Variants in CLCN7 observed in about 807,000 individuals in gnomAD.
CLCN7 encodes Cl-/H+ antiporter 7, also known as H(+)/Cl(-) exchange transporter 7.
CLCN7 carries 60 observed loss-of-function variants against 102.1 expected under a neutral mutation model. That is an observed-to-expected ratio of 0.59 (90% CI 0.48 to 0.73). The LOEUF (loss-of-function observed/expected upper bound fraction) is 0.73. CLCN7 is among the 30% of genes least tolerant of loss of function. The pLI, the probability that CLCN7 is intolerant of heterozygous loss-of-function variation, is 0.00. For synonymous variants in CLCN7, 560 were observed against 490.5 expected (o/e 1.14, Z -1.87); for missense variants, 962 against 1,125.7 (o/e 0.85, Z 2.08).
intron 2 of CLCN7, among the ~76,000 whole-genome samples, chr16:1,464,296 A>G (rs1012530689): frequency 1.3e-5 from 2 of 152,232 alleles, no homozygotes; most frequent in Admixed American, 6.5e-5. Context: ...CAGGGTTGAG[A>G]CAGGAGAGGA....
intron 2 of CLCN7, among the ~76,000 whole-genome samples, chr16:1,461,972 C>G (rs2038944609): frequency 6.6e-6 from 1 of 151,862 alleles, no homozygotes; most frequent in African/African-American, 2.4e-5. Flanking sequence ...GTAATCCCAG[C>G]TACTCAGGAG....
chr16:1,447,629 C>A, intron 22 of CLCN7, 26 bp downstream of exon 22: 1 of 1,552,468 alleles, frequency 6.4e-7, no homozygotes, highest in Non-Finnish European at 8.7e-7. Flanking sequence ...CCCCACCCGC[C>A]CAATGGCCCG....
At chr16:1,461,569 G>C in intron 3 of CLCN7, 34 bp downstream of exon 3, 1 of 1,612,014 alleles carries the variant, frequency 6.2e-7, no homozygotes, top group Non-Finnish European at 8.5e-7. Context: ...GCAGAGGCCG[G>C]GTCTCAGGGT....
intron 6 of CLCN7, among the ~76,000 whole-genome samples, chr16:1,460,077 T>C (rs976850682): frequency 1.3e-5 from 2 of 152,036 alleles, no homozygotes; most frequent in African/African-American, 4.8e-5. Flanking sequence ...GCTCTCACTC[T>C]TCCCAGCCCA....
At position 1,446,145 on chromosome 16, in the gene CLCN7, G is replaced by A. The variant is rs897955164; in HGVS notation, c.*486C>T. 5.7e-5 allele frequency: 34 copies of A among 599,278 alleles called. No homozygotes were observed. Among genetic ancestry groups the A allele is most frequent in the East Asian group, 2.2e-4 (8 of 36,120 alleles). The allele number at this position is 599,278 out of a possible 1,614,324, so 37.1% of individuals were successfully genotyped here. On this transcript the variant is annotated 3_prime_UTR_variant, in exon 25 of 25. Coordinates refer to ENST00000382745, the MANE Select transcript of CLCN7 (RefSeq NM_001287.6). Reference sequence around the variant, plus strand: ...GCCTCAGGCCCAGGGACCACAGGCCGTCTGCTCATGGCTGAAAATGAGGCC... The same window carrying A: ...GCCTCAGGCCCAGGGACCACAGGCCATCTGCTCATGGCTGAAAATGAGGCC...
chr16:1,446,530 G>A lies in CLCN7; in HGVS notation c.*101C>T, dbSNP rs1284343639. ...CTGCAGGGTGCTCGCCATTGCCACT[G>A]CTGGGGAGCATGGTTTGGGCCGAGA... is the stretch of plus-strand genomic sequence containing the variant. On this transcript the variant is annotated 3_prime_UTR_variant, in exon 25 of 25. Transcript: ENST00000382745. 6 of 1,124,348 alleles carry A rather than the reference G, an allele frequency of 5.3e-6. No individual in the cohort carries two copies. The highest frequency in any genetic ancestry group is 3.1e-5 in the African/African-American group (2 of 65,024). 69.6% of individuals were successfully genotyped at this position (1,124,348 alleles called of 1,614,324 possible). A position where few individuals can be genotyped will look rare whatever the true frequency, so the allele number is the denominator to read the frequency against.
chr16:1,474,544 G>C (rs1294249541), intron 1 of CLCN7, among the ~76,000 whole-genome samples: 1 of 152,252 alleles, frequency 6.6e-6, no homozygotes, highest in African/African-American at 2.4e-5. Context: ...GTGCGCCACG[G>C]CTGCCCCGGC....
At position 1,465,251 on chromosome 16, in the gene CLCN7, A is replaced by G. The variant is rs1490785780; in HGVS notation, c.213+16T>C. 6.2e-7 allele frequency: 1 copy of G among 1,610,882 alleles called. No homozygotes were observed. Among genetic ancestry groups the G allele is most frequent in the Non-Finnish European group, 8.5e-7 (1 of 1,177,842 alleles). ...CAGCTAGCTCTGCGGGAGGACGGGGAACACCCCCAACTCACCGGGTCCAAA... is the reference window on the plus strand; with the variant it reads ...CAGCTAGCTCTGCGGGAGGACGGGGGACACCCCCAACTCACCGGGTCCAAA... On this transcript the variant is annotated intron_variant, in intron 2 of 24. Transcript: ENST00000382745.
Position 1,446,690 on chromosome 16 carries a change from G to T in CLCN7, c.2359C>A (p.Leu787Ile). The T allele has an allele frequency of 6.3e-7, 1 of 1,590,150 alleles. No individual in the cohort carries two copies. The highest frequency in any genetic ancestry group is 2.3e-5 in the East Asian group (1 of 43,452). ...CTCTTTCCCAGGCGGTACCTGGCGAGGTCCTTCCTGGTCACCAACCCGACA... is the reference window on the plus strand; with the variant it reads ...CTCTTTCCCAGGCGGTACCTGGCGATGTCCTTCCTGGTCACCAACCCGACA... The part of the protein sequence containing the change: ...QVVGLVTRKD[L>I]ARYRLGKRGL... The change falls in exon 25 of 25, where the codon CTC becomes ATC. Residue 787 changes from leucine (L) to isoleucine (I), a missense_variant. Physicochemically the swap from Leu to Ile is conservative, Grantham distance 5. Transcript: ENST00000382745.
rs992765173 is a variant in CLCN7 at position 1,446,635 on chromosome 16, G to A, written c.2414C>T (p.Thr805Met). The A allele has an allele frequency of 8.6e-5, 134 of 1,564,422 alleles. No homozygotes were observed. Among genetic ancestry groups the A allele is most frequent in the Non-Finnish European group, 1.1e-4 (128 of 1,154,538 alleles). Residue 805 changes from threonine (T) to methionine (M), a missense_variant, in exon 25 of 25, where the codon ACG becomes ATG. By Grantham distance (81) the Thr-to-Met change is moderately conservative. Coordinates refer to ENST00000382745, the MANE Select transcript of CLCN7 (RefSeq NM_001287.6). ...RGLEELSLAQ[T>M] ...CATTATGGGCAGGGCTGGGCCTCAC[G>A]TCTGGGCCAGCGAGAGCTCCTCCAA...
At chr16:1,449,366 C>T (rs1008300310) in intron 17 of CLCN7, 39 bp from the exon 18 acceptor site, 2 of 1,561,206 alleles carry the variant, frequency 1.3e-6, no homozygotes, top group Non-Finnish European at 1.7e-6. Context: ...AGTGTGGTGG[C>T]AGGCCCAAAC....
At chr16:1,474,040 C>T (rs770934188) in intron 1 of CLCN7, 7 of 425,688 alleles carry the variant, frequency 1.6e-5, no homozygotes, top group Middle Eastern at 3.6e-4. Context: ...GCCGAGATCG[C>T]GCCATTGCAC....
intron 1 of CLCN7, among the ~76,000 whole-genome samples, chr16:1,469,887 G>A (rs1321597132): frequency 2.6e-5 from 4 of 152,160 alleles, no homozygotes; most frequent in Non-Finnish European, 5.9e-5. Flanking sequence ...CCATAAAGAG[G>A]AATGACCACC....
At position 1,446,108 on chromosome 16, in the gene CLCN7, C is replaced by T; in HGVS notation, c.*523G>A. On this transcript the variant is annotated 3_prime_UTR_variant, in exon 25 of 25. Transcript: ENST00000382745. ...CGGTCGCAGCCTCCAAACCCTGGTG[C>T]TACGAGTCCGTGCCTCAGGCCCAGG... 1.7e-6 allele frequency: 1 copy of T among 597,142 alleles called. No individual in the cohort carries two copies. Among genetic ancestry groups the T allele is most frequent in the Non-Finnish European group, 3.0e-6 (1 of 336,078 alleles). 37.0% of individuals were successfully genotyped at this position (597,142 alleles called of 1,614,324 possible).
chr16:1,464,560 C>T (rs1010054411), intron 2 of CLCN7, among the ~76,000 whole-genome samples: 1 of 152,248 alleles, frequency 6.6e-6, no homozygotes, highest in Non-Finnish European at 1.5e-5. Flanking sequence ...GGAGCGACTG[C>T]GGCAGAGCTC....
Position 1,447,518 on chromosome 16 carries a change from C to T in CLCN7, c.2124G>A (p.Leu708=), listed in dbSNP as rs2038669299. ...NLGLVQRRLR[L]KDFRDAYPRF... Reference sequence around the variant, plus strand: ...GCGGGTAGGCGTCTCGGAAGTCCTTCAGCCTCAGGCGCCGCTGTACCAGGC... The same window carrying T: ...GCGGGTAGGCGTCTCGGAAGTCCTTTAGCCTCAGGCGCCGCTGTACCAGGC... The change falls in exon 23 of 25, where the codon CTG becomes CTA. Residue 708 remains leucine (L), a synonymous_variant. Coordinates refer to ENST00000382745, the MANE Select transcript of CLCN7 (RefSeq NM_001287.6). The T allele has an allele frequency of 6.4e-7, 1 of 1,555,554 alleles. No individual in the cohort carries two copies.
At chr16:1,474,472 C>G (rs1051814596) in intron 1 of CLCN7, 6 of 342,936 alleles carry the variant, frequency 1.7e-5, no homozygotes, top group Admixed American at 4.4e-5. Flanking sequence ...TAAAAGTCAC[C>G]TGAACAGAAA....
chr16:1,448,669 T>C lies in CLCN7; in HGVS notation c.1883+12A>G. 6.2e-7 allele frequency: 1 copy of C among 1,612,434 alleles called. No homozygotes were observed. The highest frequency in any genetic ancestry group is 8.5e-7 in the Non-Finnish European group (1 of 1,179,894). On this transcript the variant is annotated intron_variant, in intron 20 of 24. Transcript: ENST00000382745. ...ACACCCTCCCCACCCACAGGTGTCCTGGGCGCTGTACCTGGCAGTGAGTGA... is the reference window on the plus strand; with the variant it reads ...ACACCCTCCCCACCCACAGGTGTCCCGGGCGCTGTACCTGGCAGTGAGTGA...
In CLCN7 at chr16:1,457,158, C is replaced by T. The variant is rs183479926; in HGVS notation, c.822+96G>A. 1.0e-4 allele frequency: 124 copies of T among 1,185,462 alleles called. No individual in the cohort carries two copies. The highest frequency in any genetic ancestry group is 5.5e-4 in the African/African-American group (37 of 66,668). The allele number at this position is 1,185,462 out of a possible 1,614,324, so 73.4% of individuals were successfully genotyped here. A position where few individuals can be genotyped will look rare whatever the true frequency, so the allele number is the denominator to read the frequency against. ...TGTCCTCAGATGGGGCTGGGGCTCT[C>T]GGCCTGGGGGTGCTGAGGGAAGCCC... On this transcript the variant is annotated intron_variant, in intron 9 of 24. Coordinates refer to ENST00000382745, the MANE Select transcript of CLCN7 (RefSeq NM_001287.6). This position sits in a 1 kb window ranked among gnomAD's most constrained non-coding sequence, Gnocchi z 5.4.
Sources: gnomAD v4.1 joint callset for allele counts (sites outside exome capture counted in the v4.1 genomes callset) on GRCh38, gnomAD v4.1.1 for gene constraint, Gnocchi (gnomAD v3.1) non-coding constraint, MANE v1.5 for transcripts, NCBI Gene and HGNC (gene_info 2026-07-23, HGNC 2026-07-21) for gene names.